The following PEX11G variants were observed in gnomAD, a reference collection of about 807,000 sequenced individuals.
PEX11G encodes peroxisomal biogenesis factor 11 gamma.
PEX11G carries 20 observed loss-of-function variants against 22.5 expected under a neutral mutation model. The observed-to-expected ratio is 0.89, with a 90% CI of 0.62 to 1.29. The LOEUF (loss-of-function observed/expected upper bound fraction) is 1.29. Ranked by LOEUF, PEX11G falls within the 50% of genes most tolerant of loss-of-function variation. The pLI, the probability that PEX11G is intolerant of heterozygous loss-of-function variation, is 0.00. For missense variants in PEX11G, 347 were observed against 331.3 expected (o/e 1.05, Z -0.37); for synonymous variants, 141 against 154.5 (o/e 0.91, Z 0.65).
Position 7,482,152 on chromosome 19 carries a change from G to A in PEX11G, c.309C>T (p.Tyr103=). The change falls in exon 3 of 5, where the codon TAC becomes TAT. Residue 103 remains tyrosine, a synonymous_variant. Coordinates refer to ENST00000221480, the MANE Select transcript of PEX11G (RefSeq NM_080662.4). ...CCCAGGCCACGTGCTCACAGGGGTA[G>A]TAGAGCTGGTCAGCCAGGTTCCCTA... is the stretch of plus-strand genomic sequence containing the variant. ...SVLGNLADQL[Y]YPCEHVAWAA... 1 of 1,591,796 alleles carries A rather than the reference G, an allele frequency of 6.3e-7. No homozygotes were observed. The highest frequency in any genetic ancestry group is 8.5e-7 in the Non-Finnish European group (1 of 1,169,640).
rs544285175 is a variant in PEX11G, at chr19:7,482,089, C to G, written c.372G>C (p.Arg124=). Residue 124 remains arginine, a synonymous_variant, in exon 3 of 5, where the codon CGG becomes CGC. Coordinates refer to ENST00000221480, the MANE Select transcript of PEX11G (RefSeq NM_080662.4). ...DARVLHVDSS[R]WWTLSTTLWA... is the part of the protein sequence containing the mutation. ...ACAGGGTTGTACTCAGCGTCCACCA[C>G]CGAGAAGAGTCCACGTGGAGGACCC... is the stretch of plus-strand genomic sequence containing the variant. 1 of 1,606,380 alleles carries G rather than the reference C, an allele frequency of 6.2e-7. No individual in the cohort carries two copies. Among genetic ancestry groups the G allele is most frequent in the African/African-American group, 1.3e-5 (1 of 74,894 alleles).
intron 3 of PEX11G, among the ~76,000 whole-genome samples, chr19:7,480,200 G>A (rs78340774): frequency 0.15 from 22,744 of 151,874 alleles, 1,820 homozygotes; most frequent in Non-Finnish European, 0.19. Context: ...CCCAAGGGGC[G>A]GAGGTTGCAG....
upstream of PEX11G, among the ~76,000 whole-genome samples, chr19:7,490,504 T>C (rs1441889232): frequency 6.7e-6 from 1 of 149,848 alleles, no homozygotes; most frequent in Non-Finnish European, 1.5e-5. Context: ...TTTTTTTTTT[T>C]TTTTTTTTGT....
chr19:7,488,621 G>T (rs2021769558), intron 1 of PEX11G, among the ~76,000 whole-genome samples: 1 of 152,152 alleles, frequency 6.6e-6, no homozygotes, highest in Non-Finnish European at 1.5e-5. Context: ...CTAACACGAT[G>T]AAACTCCGTC....
chr19:7,478,951 C>G (rs2145950044), intron 3 of PEX11G, among the ~76,000 whole-genome samples: 1 of 152,276 alleles, frequency 6.6e-6, no homozygotes, highest in African/African-American at 2.4e-5. Flanking sequence ...CCAGCAGGCT[C>G]TGCAGCCGTG....
intron 3 of PEX11G, 83 bp downstream of exon 3, chr19:7,481,949 TG>T: frequency 7.4e-7 from 1 of 1,357,144 alleles, no homozygotes; most frequent in Non-Finnish European, 9.8e-7. Flanking sequence ...CTGAAGCCTG[TG>T]CTGTTGCTGG....
chr19:7,486,660 C>T (rs1030772212), intron 1 of PEX11G, among the ~76,000 whole-genome samples: 5 of 151,720 alleles, frequency 3.3e-5, no homozygotes, highest in Non-Finnish European at 4.4e-5. Context: ...AGTGCGGTGG[C>T]GCGATCTCGG....
intron 2 of PEX11G, among the ~76,000 whole-genome samples, chr19:7,483,756 C>T (rs73488449): frequency 0.029 from 4,441 of 152,176 alleles, 216 homozygotes; most frequent in African/African-American, 0.1. Flanking sequence ...TAGCAAGTGG[C>T]TCAGAGAGGT....
chr19:7,489,851 C>CTTTTTT (rs55711330), upstream of PEX11G, among the ~76,000 whole-genome samples: 11 of 143,854 alleles, frequency 7.6e-5, no homozygotes, highest in Non-Finnish European at 1.1e-4. Flanking sequence ...CTGGAGACGT[C>CTTTTTT]TTTTTTTTTT....
At chr19:7,490,166 C>T (rs1172945426), upstream of PEX11G, among the ~76,000 whole-genome samples, 1 of 150,832 alleles carries the variant, frequency 6.6e-6, no homozygotes, top group Non-Finnish European at 1.5e-5. Context: ...CCTCAATGTC[C>T]TTTTCCTTCG....
chr19:7,491,844 G>T (rs544332436), upstream of PEX11G, among the ~76,000 whole-genome samples: 16 of 151,776 alleles, frequency 1.1e-4, no homozygotes, highest in East Asian at 2.7e-3. Flanking sequence ...CTTTTGTAGA[G>T]ATGCGGTCTC....
intron 2 of PEX11G, among the ~76,000 whole-genome samples, 187 bp downstream of exon 2, chr19:7,485,651 A>T (rs1022913885): frequency 1.3e-5 from 2 of 151,992 alleles, no homozygotes; most frequent in Non-Finnish European, 2.9e-5. Flanking sequence ...CACTGCACCC[A>T]GCCGAGACAG....
At chr19:7,493,436 C>G (rs1358592353), upstream of PEX11G, among the ~76,000 whole-genome samples, 1 of 151,970 alleles carries the variant, frequency 6.6e-6, no homozygotes, top group Non-Finnish European at 1.5e-5. Context: ...CTCAAGTGAT[C>G]CACCCACTTC....
chr19:7,493,909 C>CTTT (rs1362239751), upstream of PEX11G, among the ~76,000 whole-genome samples: 26 of 130,808 alleles, frequency 2.0e-4, no homozygotes, highest in African/African-American at 6.2e-4. Context: ...GGGGGTCACT[C>CTTT]TTTTTTTTTT....
In PEX11G at chr19:7,482,213, T is replaced by G; in HGVS notation, c.250-2A>C. ...ACAGCGGACAAAGGCGTCCTCCTCCTGCAGGACCAGGAGCAGAGGGGGCCT... is the reference window on the plus strand; with the variant it reads ...ACAGCGGACAAAGGCGTCCTCCTCCGGCAGGACCAGGAGCAGAGGGGGCCT... On this transcript the variant is annotated splice_acceptor_variant, in intron 2 of 4. Transcript: ENST00000221480. LOFTEE classifies it high-confidence loss of function. The G allele has an allele frequency of 6.4e-7, 1 of 1,558,748 alleles. No homozygotes were observed. The highest frequency in any genetic ancestry group is 8.7e-7 in the Non-Finnish European group (1 of 1,152,974).
intron 1 of PEX11G, among the ~76,000 whole-genome samples, chr19:7,494,535 C>G (rs548432811): frequency 2.6e-5 from 4 of 152,170 alleles, no homozygotes; most frequent in Non-Finnish European, 4.4e-5. Flanking sequence ...TGCATTTGCC[C>G]GAATGCTTCC....
At chr19:7,489,569 CAT>C, upstream of PEX11G, 1 of 901,174 alleles carries the variant, frequency 1.1e-6, no homozygotes, top group Non-Finnish European at 1.3e-6. Context: ...AGTACATGCA[CAT>C]GTTGGACAAC....
intron 3 of PEX11G, 35 bp from the exon 4 acceptor site, chr19:7,478,411 C>A (rs2303145): frequency 6.3e-7 from 1 of 1,588,102 alleles, no homozygotes; most frequent in Non-Finnish European, 8.6e-7. Flanking sequence ...GATGCCCCGG[C>A]GGGGAGCAGG....
rs940377088 is a variant in PEX11G at position 7,488,977 on chromosome 19, C to A, written c.34G>T (p.Glu12Ter). Residue 12 changes from glutamate to a stop codon, truncating the protein, a stop_gained, in exon 1 of 5, where the codon GAG becomes TAG. Coordinates refer to ENST00000221480, the MANE Select transcript of PEX11G (RefSeq NM_080662.4). LOFTEE classifies it high-confidence loss of function. ...AGGCGGTCCCGGCCCCTGTACGACTCCAGCGCCGACGCCAGGCCGCTCAGC... is the reference window on the plus strand; with the variant it reads ...AGGCGGTCCCGGCCCCTGTACGACTACAGCGCCGACGCCAGGCCGCTCAGC... ...ASLSGLASAL[E>*]SYRGRDRLIR... 2 of 1,551,652 alleles carry A rather than the reference C, an allele frequency of 1.3e-6. No individual in the cohort carries two copies. Among genetic ancestry groups the A allele is most frequent in the Non-Finnish European group, 1.7e-6 (2 of 1,150,910 alleles).
Sources: gnomAD v4.1 joint callset for allele counts (sites outside exome capture counted in the v4.1 genomes callset) on GRCh38, gnomAD v4.1.1 for gene constraint, MANE v1.5 for transcripts, NCBI Gene and HGNC (gene_info 2026-07-23, HGNC 2026-07-21) for gene names.